C10orf88: variants seen among roughly 807,000 people sequenced by gnomAD.
C10orf88 encodes chromosome 10 open reading frame 88, also known as ATPase PAAT.
A neutral mutation model predicts 34.2 loss-of-function variants in C10orf88; 29 were observed. That is an observed-to-expected ratio of 0.85 (90% CI 0.63 to 1.16). The LOEUF (loss-of-function observed/expected upper bound fraction) is 1.16. C10orf88 is among the 50% of genes most tolerant of loss of function. The probability of loss-of-function intolerance (pLI) is 0.00; values close to 1 mark genes in which losing one functional copy is unlikely to be tolerated. For missense variants in C10orf88, 507 were observed against 533.2 expected (o/e 0.95, Z 0.48); for synonymous variants, 194 against 197.4 (o/e 0.98, Z 0.15).
intron 5 of C10orf88, 64 bp downstream of exon 5, chr10:122,937,641 T>A (rs1258078807): frequency 7.2e-7 from 1 of 1,389,962 alleles, no homozygotes; most frequent in Non-Finnish European, 9.8e-7. Flanking sequence ...GACAAATCTG[T>A]TTCCTTTCAT....
At chr10:122,942,325 C>G (rs1017770023) in intron 4 of C10orf88, among the ~76,000 whole-genome samples, 8 of 127,224 alleles carry the variant, frequency 6.3e-5, no homozygotes, top group East Asian at 1.9e-4. Context: ...ATTCAACAAC[C>G]CTTCATGCTA....
intron 1 of C10orf88, among the ~76,000 whole-genome samples, chr10:122,953,541 C>T (rs1442618996): frequency 6.6e-6 from 1 of 152,230 alleles, no homozygotes; most frequent in Non-Finnish European, 1.5e-5. Context: ...ACTCAATCCC[C>T]TGCAATTGAC....
At chr10:122,936,636 T>C (rs1412317392) in intron 5 of C10orf88, among the ~76,000 whole-genome samples, 1 of 151,964 alleles carries the variant, frequency 6.6e-6, no homozygotes, top group Non-Finnish European at 1.5e-5. Context: ...GTGCTATAAA[T>C]ATCCTTATCA....
chr10:122,932,342 A>C lies in C10orf88; in HGVS notation c.*85T>G, dbSNP rs940076900. The C allele has an allele frequency of 8.7e-7, 1 of 1,154,612 alleles. No individual in the cohort carries two copies. Among genetic ancestry groups the C allele is most frequent in the Non-Finnish European group, 1.2e-6 (1 of 821,596 alleles). 71.5% of individuals were successfully genotyped at this position (1,154,612 alleles called of 1,614,324 possible). A position where few individuals can be genotyped will look rare whatever the true frequency, so the allele number is the denominator to read the frequency against. On this transcript the variant is annotated 3_prime_UTR_variant, in exon 6 of 6. Transcript: ENST00000481909. ...AATGATCCCTCAAAGGACATTAAAT[A>C]CTTGCTTTTTATAAATATTTTTGGG...
intron 4 of C10orf88, among the ~76,000 whole-genome samples, chr10:122,942,243 C>A (rs1042308128): frequency 1.3e-5 from 2 of 151,982 alleles, no homozygotes; most frequent in Non-Finnish European, 1.5e-5. Flanking sequence ...TCATGTAATC[C>A]AGCACATAAA....
Position 122,932,568 on chromosome 10 carries a change from C to G in C10orf88, c.1197G>C (p.Gln399His). 1.2e-6 allele frequency: 2 copies of G among 1,613,936 alleles called. No homozygotes were observed. The highest frequency in any genetic ancestry group is 1.7e-6 in the Non-Finnish European group (2 of 1,179,928). The change falls in exon 6 of 6, where the codon CAG becomes CAC. Residue 399 changes from glutamine to histidine, a missense_variant. Physicochemically the swap from Gln to His is conservative, Grantham distance 24. Coordinates refer to ENST00000481909, the MANE Select transcript of C10orf88 (RefSeq NM_024942.4). ...MEKKLMDYID[Q>H]RIHELQEHID... Reference sequence around the variant, plus strand: ...TGTGCTCCTGGAGTTCATGTATTCGCTGATCAATGTAATCCATAAGTTTCT... The same window carrying G: ...TGTGCTCCTGGAGTTCATGTATTCGGTGATCAATGTAATCCATAAGTTTCT...
chr10:122,932,952 A>G (rs1046939984), intron 5 of C10orf88, among the ~76,000 whole-genome samples: 1 of 152,202 alleles, frequency 6.6e-6, no homozygotes, highest in African/African-American at 2.4e-5. Context: ...TTGAGGTCCA[A>G]ATCAAAACTG....
intron 1 of C10orf88, among the ~76,000 whole-genome samples, chr10:122,953,777 A>G (rs1246984632): frequency 6.6e-6 from 1 of 151,696 alleles, no homozygotes; most frequent in Non-Finnish European, 1.5e-5. Context: ...GTTATATGAA[A>G]TTCCGAGTCC....
chr10:122,951,841 A>C (rs1240725613), intron 3 of C10orf88, 113 bp downstream of exon 3: 1 of 697,592 alleles, frequency 1.4e-6, no homozygotes, highest in Non-Finnish European at 2.5e-6. Context: ...AAAAGAAAAA[A>C]AAAAGCAAGC....
intron 1 of C10orf88, 49 bp downstream of exon 1, chr10:122,953,966 C>A (rs1325202159): frequency 6.8e-7 from 1 of 1,468,778 alleles, no homozygotes; most frequent in Non-Finnish European, 9.0e-7. Context: ...CCCCTAGAAG[C>A]GCGGCAGTTG....
At chr10:122,938,658 A>C (rs917718429) in intron 4 of C10orf88, among the ~76,000 whole-genome samples, 4 of 152,002 alleles carry the variant, frequency 2.6e-5, no homozygotes, top group Non-Finnish European at 4.4e-5. Context: ...TTTCCTGGAA[A>C]CTACACAGAT....
intron 1 of C10orf88, 48 bp downstream of exon 1, chr10:122,953,967 G>A: frequency 6.8e-7 from 1 of 1,468,080 alleles, no homozygotes; most frequent in South Asian, 1.3e-5. Flanking sequence ...CCCTAGAAGC[G>A]CGGCAGTTGC....
intron 3 of C10orf88, among the ~76,000 whole-genome samples, chr10:122,950,963 C>T (rs141516843): frequency 9.7e-4 from 147 of 152,192 alleles, no homozygotes; most frequent in Middle Eastern, 3.4e-3. Context: ...ATAATAAGTA[C>T]AGAAGTTTAG....
chr10:122,945,397 A>G (rs1848630573), intron 4 of C10orf88, among the ~76,000 whole-genome samples: 1 of 152,188 alleles, frequency 6.6e-6, no homozygotes, highest in Admixed American at 6.5e-5. Context: ...GTCTTAAAGT[A>G]TATTCCTTCT....
In C10orf88 at chr10:122,937,887, A is replaced by T. The variant is rs778326270; in HGVS notation, c.921T>A (p.Asp307Glu). 1 of 1,613,390 alleles carries T rather than the reference A, an allele frequency of 6.2e-7. No homozygotes were observed. The highest frequency in any genetic ancestry group is 1.1e-5 in the South Asian group (1 of 91,058). Reference protein sequence around the residue: ...MPQNHSFLENDLKNAMASFLP... With the variant: ...MPQNHSFLENELKNAMASFLP... Reference sequence around the variant, plus strand: ...AGAAAGAGGCCATTGCATTTTTAAGATCATTTTCAAGAAAGGAATGGTTTT... The same window carrying T: ...AGAAAGAGGCCATTGCATTTTTAAGTTCATTTTCAAGAAAGGAATGGTTTT... Residue 307 changes from aspartate to glutamate, a missense_variant, in exon 5 of 6, where the codon GAT (aspartate) becomes GAA (glutamate). Coordinates refer to ENST00000481909, the MANE Select transcript of C10orf88 (RefSeq NM_024942.4).
At chr10:122,943,228 C>A (rs1316885871) in intron 4 of C10orf88, among the ~76,000 whole-genome samples, 1 of 134,846 alleles carries the variant, frequency 7.4e-6, no homozygotes, top group African/African-American at 2.8e-5. Context: ...CGCATATCTA[C>A]AACTATCTGA....
chr10:122,937,639 T>C, intron 5 of C10orf88, 66 bp downstream of exon 5: 1 of 1,374,978 alleles, frequency 7.3e-7, no homozygotes, highest in Non-Finnish European at 9.9e-7. Context: ...GAGACAAATC[T>C]GTTTCCTTTC....
At position 122,938,101 on chromosome 10, in the gene C10orf88, T is replaced by C. The variant is rs149187662; in HGVS notation, c.707A>G (p.His236Arg). ...AGATGAGGATTGTAGTCCAATCATA[T>C]GCTTGTATCCAGAATTGCCCAACAC... Reference protein sequence around the residue: ...QSVLGNSGYKHMIGLQSSSTL... With the variant: ...QSVLGNSGYKRMIGLQSSSTL... The change falls in exon 5 of 6, where the codon CAT (histidine) becomes CGT (arginine). Residue 236 changes from histidine (H) to arginine (R), a missense_variant. Coordinates refer to ENST00000481909, the MANE Select transcript of C10orf88 (RefSeq NM_024942.4). 3.7e-6 allele frequency: 6 copies of C among 1,612,662 alleles called. No individual in the cohort carries two copies. The highest frequency in any genetic ancestry group is 5.1e-6 in the Non-Finnish European group (6 of 1,179,150).
At chr10:122,945,790 T>C (rs1166536481) in intron 4 of C10orf88, among the ~76,000 whole-genome samples, 3 of 152,076 alleles carry the variant, frequency 2.0e-5, no homozygotes, top group East Asian at 1.9e-4. Context: ...TTTAAGTATA[T>C]AAAGTTAAAA....
Sources: allele counts gnomAD v4.1 joint callset (sites outside exome capture counted in the v4.1 genomes callset), GRCh38; gene constraint gnomAD v4.1.1; transcripts MANE v1.5; gene names NCBI Gene and HGNC (gene_info 2026-07-23, HGNC 2026-07-21).